The following RFX3 variants were observed in gnomAD, a reference collection of about 807,000 sequenced individuals.
RFX3 encodes the protein transcription factor RFX3.
RFX3 carries 14 observed loss-of-function variants against 98.6 expected under a neutral mutation model. That is an observed-to-expected ratio of 0.14 (90% CI 0.09 to 0.22). The LOEUF (loss-of-function observed/expected upper bound fraction) is 0.22, where lower values mean the gene tolerates loss of function less well. Ranked by LOEUF, RFX3 falls within the 10% of genes least tolerant of loss-of-function variation. RFX3 has a pLI of 1.00. For synonymous variants in RFX3, 383 were observed against 328.4 expected (o/e 1.17, Z -1.80); for missense variants, 639 against 926.9 (o/e 0.69, Z 4.03).
chr9:3,298,200 T>G (rs1449003007), intron 5 of RFX3, among the ~76,000 whole-genome samples: 1 of 151,852 alleles, frequency 6.6e-6, no homozygotes, highest in African/African-American at 2.4e-5. Flanking sequence ...TGGCAAGATC[T>G]TTTTAAAAGA....
intron 2 of RFX3, among the ~76,000 whole-genome samples, chr9:3,367,449 G>A (rs1837340461): frequency 6.6e-6 from 1 of 152,142 alleles, no homozygotes; most frequent in African/African-American, 2.4e-5. Context: ...ATTACTTTCA[G>A]TCTTGTGAGA....
intron 1 of RFX3, among the ~76,000 whole-genome samples, chr9:3,487,006 A>G (rs1046778551): frequency 6.6e-6 from 1 of 152,124 alleles, no homozygotes; most frequent in Non-Finnish European, 1.5e-5. Context: ...CATAAATGCT[A>G]TCATAACCTA....
At chr9:3,405,274 ACT>A (rs930191150) in intron 1 of RFX3, among the ~76,000 whole-genome samples, 2 of 151,916 alleles carry the variant, frequency 1.3e-5, no homozygotes, top group Non-Finnish European at 2.9e-5. Flanking sequence ...TCTCAACAAC[ACT>A]CTGTTTTTAA....
intron 2 of RFX3, among the ~76,000 whole-genome samples, chr9:3,374,961 G>A (rs1238114859): frequency 6.6e-6 from 1 of 151,398 alleles, no homozygotes; most frequent in East Asian, 1.9e-4. Context: ...ATTTATCATT[G>A]TCATGATACA....
chr9:3,425,570 A>G (rs1431733199), intron 1 of RFX3, among the ~76,000 whole-genome samples: 1 of 152,250 alleles, frequency 6.6e-6, no homozygotes, highest in Non-Finnish European at 1.5e-5. Flanking sequence ...TGTGGAACAC[A>G]TAGAACCCCC....
At chr9:3,436,242 T>C (rs1275037218) in intron 1 of RFX3, among the ~76,000 whole-genome samples, 1 of 152,032 alleles carries the variant, frequency 6.6e-6, no homozygotes, top group East Asian at 1.9e-4. Context: ...TATCCCAATA[T>C]CCTTCTAGAT....
At chr9:3,278,572 C>T (rs1825531676) in intron 7 of RFX3, among the ~76,000 whole-genome samples, 1 of 151,708 alleles carries the variant, frequency 6.6e-6, no homozygotes, top group African/African-American at 2.4e-5. Context: ...AACAATGACC[C>T]TAATATGTGA....
intron 1 of RFX3, among the ~76,000 whole-genome samples, chr9:3,474,673 C>T (rs745943950): frequency 3.9e-5 from 6 of 152,182 alleles, no homozygotes; most frequent in Admixed American, 6.5e-5. Flanking sequence ...ACAGATTTGT[C>T]TCCAGAAACA....
chr9:3,247,097 C>CT, intron 15 of RFX3: 1 of 985,024 alleles, frequency 1.0e-6, no homozygotes, highest in Non-Finnish European at 1.2e-6. Context: ...GTGAACATGT[C>CT]TTTTTTACCG....
chr9:3,305,582 G>C (rs536883345), intron 4 of RFX3, among the ~76,000 whole-genome samples: 102 of 152,046 alleles, frequency 6.7e-4, no homozygotes, highest in African/African-American at 2.4e-3. Flanking sequence ...GAGTAATAAT[G>C]AGCCTTTGAA....
At chr9:3,404,597 G>A (rs1841794570) in intron 1 of RFX3, among the ~76,000 whole-genome samples, 1 of 151,910 alleles carries the variant, frequency 6.6e-6, no homozygotes, top group African/African-American at 2.4e-5. Context: ...TCTAAAGTTG[G>A]TTATCCTAGG....
At chr9:3,292,100 A>C (rs894519035) in intron 6 of RFX3, among the ~76,000 whole-genome samples, 21 of 120,278 alleles carry the variant, frequency 1.7e-4, no homozygotes, top group African/African-American at 5.2e-4. Context: ...AAAAAAAAAA[A>C]CTCTTTACGA....
At chr9:3,416,883 A>G (rs922528860) in intron 1 of RFX3, among the ~76,000 whole-genome samples, 36 of 152,136 alleles carry the variant, frequency 2.4e-4, no homozygotes, top group Admixed American at 2.2e-3. Flanking sequence ...TTTAAATCCA[A>G]CCGTATTAAT....
chr9:3,472,768 T>C (rs971325086), intron 1 of RFX3, among the ~76,000 whole-genome samples: 23 of 152,214 alleles, frequency 1.5e-4, no homozygotes, highest in Middle Eastern at 3.2e-3. Flanking sequence ...ATCAAATCCC[T>C]ATCTGAACAA....
chr9:3,243,919 G>A (rs1820288257), intron 15 of RFX3, among the ~76,000 whole-genome samples: 2 of 152,088 alleles, frequency 1.3e-5, no homozygotes, highest in African/African-American at 2.4e-5. Context: ...TTCAGAACCT[G>A]ATTTCACAAT....
At chr9:3,437,031 T>C (rs1393902688) in intron 1 of RFX3, among the ~76,000 whole-genome samples, 1 of 152,120 alleles carries the variant, frequency 6.6e-6, no homozygotes, top group African/African-American at 2.4e-5. Context: ...CAGTTTTCTT[T>C]TATAGCACAA....
At chr9:3,366,714 CTTTCTTTCT>C (rs1217178084) in intron 2 of RFX3, among the ~76,000 whole-genome samples, 3 of 94,566 alleles carry the variant, frequency 3.2e-5, no homozygotes, top group Non-Finnish European at 6.7e-5. Context: ...TTCTTTCTTT[CTTTCTTTCT>C]TTCTTTCTTT....
At chr9:3,285,260 T>G (rs1215950269) in intron 7 of RFX3, among the ~76,000 whole-genome samples, 1 of 151,824 alleles carries the variant, frequency 6.6e-6, no homozygotes, top group East Asian at 1.9e-4. Context: ...ATCTTCTATT[T>G]TATACTTTAA....
intron 2 of RFX3, among the ~76,000 whole-genome samples, chr9:3,361,519 C>T (rs1414730686): frequency 6.6e-6 from 1 of 151,860 alleles, no homozygotes; most frequent in African/African-American, 2.4e-5. Flanking sequence ...TAAAAGTAGG[C>T]ACCAGGCACA....
Sources: gnomAD v4.1 joint callset for allele counts (sites outside exome capture counted in the v4.1 genomes callset) on GRCh38, gnomAD v4.1.1 for gene constraint, MANE v1.5 for transcripts, NCBI Gene and HGNC (gene_info 2026-07-23, HGNC 2026-07-21) for gene names.